GON4L: variants seen among roughly 807,000 people sequenced by gnomAD.
GON4L encodes gon-4 like, also known as GON-4-like protein.
Under a neutral mutation model 211.8 loss-of-function variants are expected in GON4L, and 87 were observed. The observed-to-expected ratio is 0.41, with a 90% CI of 0.35 to 0.49. The LOEUF (loss-of-function observed/expected upper bound fraction) is 0.49, where lower values mean the gene tolerates loss of function less well. GON4L is among the 20% of genes least tolerant of loss of function. The pLI, the probability that GON4L is intolerant of heterozygous loss-of-function variation, is 0.15. For missense variants in GON4L, 2,155 were observed against 2,659.5 expected (o/e 0.81, Z 4.17); for synonymous variants, 875 against 962.6 (o/e 0.91, Z 1.68).
In GON4L at chr1:155,757,039, T is replaced by C. The variant is rs1420551750; in HGVS notation, c.5436A>G (p.Glu1812=). 6.2e-7 allele frequency: 1 copy of C among 1,613,916 alleles called. No homozygotes were observed. Among genetic ancestry groups the C allele is most frequent in the East Asian group, 2.2e-5 (1 of 44,892 alleles). ...GTATCTTGGGAGGCTCCTCCTCTTC[T>C]TCCACATCAGGCAGGGCCACTTCTT... ...GFEEVALPDV[E]EEEEPPKIPT... is the part of the protein sequence containing the mutation. Residue 1812 remains glutamate, a synonymous_variant, in exon 27 of 32, where the codon GAA becomes GAG. Coordinates refer to ENST00000368331, the MANE Select transcript of GON4L (RefSeq NM_001282860.2).
chr1:155,770,821 G>T (rs1663116386), intron 19 of GON4L, among the ~76,000 whole-genome samples: 1 of 152,148 alleles, frequency 6.6e-6, no homozygotes, highest in Admixed American at 6.5e-5. Context: ...CCAAGATTGC[G>T]CCACTCTACT....
At chr1:155,815,237 A>T (rs1668134004) in intron 8 of GON4L, among the ~76,000 whole-genome samples, 1 of 152,246 alleles carries the variant, frequency 6.6e-6, no homozygotes, top group Non-Finnish European at 1.5e-5. Context: ...CAAAGAACAT[A>T]TTAACACAGC....
intron 10 of GON4L, among the ~76,000 whole-genome samples, chr1:155,810,153 GC>G (rs926497233): frequency 2.0e-5 from 3 of 150,506 alleles, no homozygotes; most frequent in African/African-American, 7.3e-5. Context: ...TTGCCACAAT[GC>G]CCAGCTAATT....
rs1662334908 is a variant in GON4L, at chr1:155,765,329, C to T, written c.4144G>A (p.Glu1382Lys). The T allele has an allele frequency of 6.2e-7, 1 of 1,614,112 alleles. No individual in the cohort carries two copies. The highest frequency in any genetic ancestry group is 1.1e-5 in the South Asian group (1 of 91,092). Residue 1382 changes from glutamate to lysine, a missense_variant, in exon 21 of 32, where the codon GAG becomes AAG. Transcript: ENST00000368331. ...TKQTVLQKEE[E>K]RSQPTKTPSS... ...GGGGTTTTAGTTGGCTGACTCCTCTCCTCTTCCTTCTGTAAGACTGTCTGT... is the reference window on the plus strand; with the variant it reads ...GGGGTTTTAGTTGGCTGACTCCTCTTCTCTTCCTTCTGTAAGACTGTCTGT...
chr1:155,796,189 CATAA>C (rs1237183045), intron 11 of GON4L, among the ~76,000 whole-genome samples: 1 of 151,518 alleles, frequency 6.6e-6, no homozygotes, highest in African/African-American at 2.4e-5. Flanking sequence ...CAATAAGAAT[CATAA>C]ATAACTAAAA....
intron 10 of GON4L, 55 bp from the exon 11 acceptor site, chr1:155,805,196 A>C: frequency 1.8e-6 from 2 of 1,135,786 alleles, no homozygotes; most frequent in South Asian, 2.5e-5. Context: ...AAACCTCATC[A>C]TCACTCCTTT....
chr1:155,844,029 CA>C lies in GON4L; in HGVS notation c.505+9246del, dbSNP rs1253104140. Among the ~76,000 whole-genome samples the C allele has an allele frequency of 6.6e-5, 10 of 152,320 alleles. No homozygotes were observed. The East Asian group carries it at 1.9e-3, about 29-fold the overall frequency. ...TGTATTTTGGCCACCATTATCCCTT[CA>C]GGGGGTATCCATTCATAACCCCATA... On this transcript the variant is annotated intron_variant, in intron 2 of 31. Transcript: ENST00000368331.
At chr1:155,753,641 A>C (rs1660844425) in intron 28 of GON4L, among the ~76,000 whole-genome samples, 2 of 152,164 alleles carry the variant, frequency 1.3e-5, no homozygotes, top group South Asian at 4.1e-4. Flanking sequence ...AGGGTTCAAG[A>C]TCAGCCTGGG....
intron 6 of GON4L, among the ~76,000 whole-genome samples, chr1:155,820,067 C>T (rs544535699): frequency 1.3e-4 from 20 of 152,292 alleles, no homozygotes; most frequent in South Asian, 4.1e-4. Context: ...GCGCACACCA[C>T]CACACCCAGC....
At chr1:155,782,532 T>C (rs1664520343) in intron 14 of GON4L, among the ~76,000 whole-genome samples, 1 of 152,202 alleles carries the variant, frequency 6.6e-6, no homozygotes. Context: ...TACACAATGA[T>C]GAAATCGTTT....
intron 2 of GON4L, 85 bp downstream of exon 2, chr1:155,853,191 A>T (rs572128524): frequency 1.8e-6 from 2 of 1,134,660 alleles, no homozygotes; most frequent in African/African-American, 3.0e-5. Context: ...CCCTTTCAGA[A>T]ATACTACTCT....
chr1:155,830,804 TCTTGAACTCCTGGC>T lies in GON4L; in HGVS notation c.506-3790_506-3777del, dbSNP rs1318118151. ...GGTCTCACTATGTTGCCAAGTCTGG[TCTTGAACTCCTGGC>T]CTTAAGCAATCCTCTCACCTCAGCC... is the stretch of plus-strand genomic sequence containing the variant. On this transcript the variant is annotated intron_variant, in intron 2 of 31. Transcript: ENST00000368331. Among the ~76,000 whole-genome samples the T allele has an allele frequency of 1.2e-4, 19 of 152,090 alleles. No homozygotes were observed. In the East Asian group the frequency reaches 3.7e-3, roughly 29 times the overall value.
At chr1:155,748,258 A>G (rs1660334350), downstream of GON4L, 1 of 1,218,492 alleles carries the variant, frequency 8.2e-7, no homozygotes, top group Non-Finnish European at 1.1e-6. Flanking sequence ...GGCCTCTCAG[A>G]TCACACTGTC....
chr1:155,799,840 G>T (rs1161275674), intron 11 of GON4L, among the ~76,000 whole-genome samples: 1 of 152,166 alleles, frequency 6.6e-6, no homozygotes, highest in East Asian at 1.9e-4. Flanking sequence ...TACCAATAAC[G>T]CTAGGAGAAC....
intron 28 of GON4L, 99 bp downstream of exon 28, chr1:155,754,276 T>C (rs752773386): frequency 2.9e-5 from 23 of 791,040 alleles, no homozygotes; most frequent in Admixed American, 2.8e-4. Flanking sequence ...ATGTTATTTA[T>C]ATATGTGCCT....
At chr1:155,845,295 C>T (rs1030408011) in intron 2 of GON4L, 2 of 191,304 alleles carry the variant, frequency 1.0e-5, no homozygotes, top group Non-Finnish European at 2.2e-5. Flanking sequence ...TTATTATACA[C>T]TAATTATAAT....
At chr1:155,810,629 C>G (rs1484392314) in intron 10 of GON4L, among the ~76,000 whole-genome samples, 1 of 150,118 alleles carries the variant, frequency 6.7e-6, no homozygotes, top group African/African-American at 2.5e-5. Context: ...ATGACATGAA[C>G]CTGGGAGGCA....
chr1:155,753,597 T>C (rs900326635), intron 28 of GON4L, among the ~76,000 whole-genome samples, 183 bp from the exon 29 acceptor site: 28 of 152,136 alleles, frequency 1.8e-4, no homozygotes, highest in Admixed American at 1.8e-3. Context: ...CCTAGTTACT[T>C]GGGAGGCTAA....
chr1:155,761,439 C>T (rs1365810110), intron 23 of GON4L, among the ~76,000 whole-genome samples: 2 of 151,776 alleles, frequency 1.3e-5, no homozygotes, highest in African/African-American at 2.4e-5. Context: ...GATCCTCCTA[C>T]CCCAGCCTCC....
Sources: allele counts gnomAD v4.1 joint callset (sites outside exome capture counted in the v4.1 genomes callset), GRCh38; gene constraint gnomAD v4.1.1; transcripts MANE v1.5; gene names NCBI Gene and HGNC (gene_info 2026-07-23, HGNC 2026-07-21).